The following NEDD9 variants were observed in gnomAD, a reference collection of about 807,000 sequenced individuals.
The protein encoded by NEDD9 is neural precursor cell expressed, developmentally down-regulated 9.
A neutral mutation model predicts 76.6 loss-of-function variants in NEDD9; 26 were observed. The observed-to-expected ratio is 0.34, with a 90% CI of 0.25 to 0.47. NEDD9 has a LOEUF of 0.47. NEDD9 is among the 20% of genes least tolerant of loss of function. The probability of loss-of-function intolerance (pLI) is 1.00; values close to 1 mark genes in which losing one functional copy is unlikely to be tolerated. For missense variants in NEDD9, 937 were observed against 1,058.5 expected, an observed-to-expected ratio of 0.89 and a Z score of 1.59; for synonymous variants, 392 against 414.2, an observed-to-expected ratio of 0.95 and a Z score of 0.65.
At chr6:11,218,220 T>C (rs1056573726) in intron 1 of NEDD9, among the ~76,000 whole-genome samples, 2 of 152,218 alleles carry the variant, frequency 1.3e-5, no homozygotes, top group Non-Finnish European at 2.9e-5. Context: ...CTTTGCTTGG[T>C]TAACAGCATG....
At chr6:11,212,104 G>A (rs1758801101) in intron 2 of NEDD9, among the ~76,000 whole-genome samples, 1 of 152,204 alleles carries the variant, frequency 6.6e-6, no homozygotes. Flanking sequence ...TGTAAAATCA[G>A]ACTTCATATT....
intron 3 of NEDD9, among the ~76,000 whole-genome samples, chr6:11,275,801 C>A (rs1346344402): frequency 6.6e-6 from 1 of 152,156 alleles, no homozygotes; most frequent in Non-Finnish European, 1.5e-5. Context: ...CCAAGCCACT[C>A]AAATCACTCA....
chr6:11,308,791 T>G (rs929042352), intron 2 of NEDD9, among the ~76,000 whole-genome samples: 1 of 152,222 alleles, frequency 6.6e-6, no homozygotes, highest in Non-Finnish European at 1.5e-5. Flanking sequence ...TTTTTTGTCA[T>G]GCTCCAAGGA....
intron 1 of NEDD9, among the ~76,000 whole-genome samples, chr6:11,223,162 T>C (rs545668043): frequency 6.6e-6 from 1 of 152,160 alleles, no homozygotes; most frequent in South Asian, 2.1e-4. Context: ...AGTGCCAAGG[T>C]TGAGAAACCC....
chr6:11,241,811 A>G lies in NEDD9; in HGVS notation c.13-28084T>C, dbSNP rs1351231519. Reference sequence around the variant, plus strand: ...TGCCCTCATCAGCTGAGGCCGGCCAATGTCCAGCAGGCCCCGGGCCCAGAG... The same window carrying G: ...TGCCCTCATCAGCTGAGGCCGGCCAGTGTCCAGCAGGCCCCGGGCCCAGAG... On this transcript the variant is annotated intron_variant, in intron 3 of 3. Transcript: ENST00000397378. This position sits in a 1 kb window ranked among gnomAD's most constrained non-coding sequence, Gnocchi z 4.0. 1.3e-5 allele frequency among the ~76,000 whole-genome samples: 2 copies of G among 152,208 alleles called. No individual in the cohort carries two copies. The highest frequency in any genetic ancestry group is 4.8e-5 in the African/African-American group (2 of 41,542).
intron 3 of NEDD9, among the ~76,000 whole-genome samples, chr6:11,268,074 G>A (rs1389131928): frequency 1.3e-5 from 2 of 152,100 alleles, no homozygotes; most frequent in Admixed American, 6.5e-5. Flanking sequence ...CTGTCGCCCA[G>A]GCTGGAGTGC....
At chr6:11,338,979 T>A (rs1762220515) in intron 1 of NEDD9, among the ~76,000 whole-genome samples, 1 of 152,082 alleles carries the variant, frequency 6.6e-6, no homozygotes, top group African/African-American at 2.4e-5. Flanking sequence ...TATTCTTTTT[T>A]AATTTTTTCA....
intron 1 of NEDD9, among the ~76,000 whole-genome samples, chr6:11,376,198 A>G (rs1266787592): frequency 6.6e-6 from 1 of 152,226 alleles, no homozygotes; most frequent in African/African-American, 2.4e-5. Context: ...TAACACAGAA[A>G]ATTGAAAATT....
chr6:11,302,838 A>G (rs1444791170), intron 3 of NEDD9, among the ~76,000 whole-genome samples: 1 of 152,232 alleles, frequency 6.6e-6, no homozygotes, highest in African/African-American at 2.4e-5. Context: ...AAAACTCTCA[A>G]TAAAATAGGT....
intron 2 of NEDD9, among the ~76,000 whole-genome samples, chr6:11,205,868 T>TC (rs1359364201): frequency 5.9e-5 from 9 of 152,144 alleles, no homozygotes; most frequent in Non-Finnish European, 1.3e-4. Flanking sequence ...CCTCAGGTGA[T>TC]CTACCCACTT....
At chr6:11,258,824 C>T (rs1246075626) in intron 3 of NEDD9, 6 of 152,234 alleles carry the variant, frequency 3.9e-5, no homozygotes, top group Non-Finnish European at 8.8e-5. Context: ...CTTCACAGGT[C>T]TCTGGCATTG....
Position 11,183,555 on chromosome 6 carries a change from G to C in NEDD9, c.*1607C>G, listed in dbSNP as rs867034476. ...AACATTTCCTTGTAATGTAATGTAT[G>C]ACTTTTAATCTTCTTTTGGCAGAGT... is the stretch of plus-strand genomic sequence containing the variant. On this transcript the variant is annotated 3_prime_UTR_variant, in exon 7 of 7. Transcript: ENST00000379446. 6.6e-6 allele frequency: 1 copy of C among 152,186 alleles called. No individual in the cohort carries two copies. Among genetic ancestry groups the C allele is most frequent in the Non-Finnish European group, 1.5e-5 (1 of 68,020 alleles). The allele number at this position is 152,186 out of a possible 1,614,324, so 9.4% of individuals were successfully genotyped here. A position where few individuals can be genotyped will look rare whatever the true frequency, so the allele number is the denominator to read the frequency against.
chr6:11,321,046 T>C (rs1022896947), intron 2 of NEDD9, among the ~76,000 whole-genome samples: 3 of 143,784 alleles, frequency 2.1e-5, no homozygotes, highest in Admixed American at 7.0e-5. Flanking sequence ...TTGTTAACCA[T>C]GACAGAGAGA....
chr6:11,228,281 A>G lies in NEDD9; in HGVS notation c.12+4223T>C, dbSNP rs1280150769. Among the ~76,000 whole-genome samples the G allele has an allele frequency of 2.6e-5, 4 of 152,236 alleles. No individual in the cohort carries two copies. In the East Asian group the frequency reaches 7.7e-4, roughly 29 times the overall value. ...TGCGGTGGCTCACACCTGTAATCCC[A>G]GCACTTTGGGAGGCTGAGGCAGGTG... On this transcript the variant is annotated intron_variant, in intron 1 of 6. Transcript: ENST00000379446.
chr6:11,279,398 T>C (rs78554123), intron 3 of NEDD9, among the ~76,000 whole-genome samples: 2 of 152,136 alleles, frequency 1.3e-5, no homozygotes, highest in Non-Finnish European at 2.9e-5. Context: ...CCCCAGGCCA[T>C]GGCAAAAACA....
chr6:11,232,392 G>C lies in NEDD9; in HGVS notation c.12+112C>G, dbSNP rs989527148. The C allele has an allele frequency of 1.4e-5, 19 of 1,362,204 alleles. 1 individual carries two copies. The highest frequency in any genetic ancestry group is 2.3e-5 in the East Asian group (1 of 43,380). The allele number at this position is 1,362,204 out of a possible 1,614,324, so 84.4% of individuals were successfully genotyped here. On this transcript the variant is annotated intron_variant, in intron 1 of 6. Transcript: ENST00000379446. ...ACCTCAGTGACCGAGACTCATCTTA[G>C]AACTCTCCGGGACACACAAGGGACT...
chr6:11,259,077 G>A (rs1262076704), intron 3 of NEDD9: 1 of 152,210 alleles, frequency 6.6e-6, no homozygotes. Flanking sequence ...GCCAGGTGAG[G>A]TGTCCTTTCC....
At chr6:11,204,653 G>A (rs1758547640) in intron 2 of NEDD9, among the ~76,000 whole-genome samples, 1 of 148,722 alleles carries the variant, frequency 6.7e-6, no homozygotes, top group Non-Finnish European at 1.5e-5. Flanking sequence ...CCAGGAGGCG[G>A]AGGTTGTGGT....
At position 11,310,315 on chromosome 6, in the gene NEDD9, C is replaced by T. The variant is rs144347256; in HGVS notation, c.-152-4160G>A. On this transcript the variant is annotated intron_variant, in intron 2 of 3. Transcript: ENST00000397378. ...ACAGCCTCCTCACATGCCCACTTCCCTCTCTGCCCACTGAAACCCCTGAGC... is the reference window on the plus strand; with the variant it reads ...ACAGCCTCCTCACATGCCCACTTCCTTCTCTGCCCACTGAAACCCCTGAGC... Among the ~76,000 whole-genome samples the T allele has an allele frequency of 5.3e-5, 8 of 152,342 alleles. No homozygotes were observed. In the South Asian group the frequency reaches 1.4e-3, roughly 28 times the overall value.
Sources: allele counts gnomAD v4.1 joint callset (sites outside exome capture counted in the v4.1 genomes callset), GRCh38; gene constraint gnomAD v4.1.1; non-coding constraint Gnocchi (gnomAD v3.1); transcripts MANE v1.5; gene names NCBI Gene and HGNC (gene_info 2026-07-23, HGNC 2026-07-21).